MADD: variants seen among roughly 807,000 people sequenced by gnomAD.
MADD encodes MAP kinase activating death domain.
A neutral mutation model predicts 176.7 loss-of-function variants in MADD; 109 were observed. The ratio of observed to expected loss-of-function variants is 0.62; its 90% CI spans 0.53 to 0.72. The LOEUF (loss-of-function observed/expected upper bound fraction) is 0.72, where lower values mean the gene tolerates loss of function less well. MADD is among the 30% of genes least tolerant of loss of function. The probability of loss-of-function intolerance (pLI) is 0.00; values close to 1 mark genes in which losing one functional copy is unlikely to be tolerated. For synonymous variants in MADD, 771 were observed against 771.3 expected (o/e 1.00, Z 0.01); for missense variants, 1,914 against 2,045.5 (o/e 0.94, Z 1.24).
chr11:47,299,106 C>G (rs1318245689), intron 22 of MADD, among the ~76,000 whole-genome samples: 1 of 152,078 alleles, frequency 6.6e-6, no homozygotes, highest in African/African-American at 2.4e-5. Flanking sequence ...ATTTTGAAGT[C>G]TAGTAGTGTG....
intron 22 of MADD, among the ~76,000 whole-genome samples, chr11:47,304,046 C>T (rs1361981416): frequency 6.6e-6 from 1 of 152,104 alleles, no homozygotes; most frequent in African/African-American, 2.4e-5. Flanking sequence ...CCCCTTCTCT[C>T]TTTGGAAATC....
upstream of MADD, chr11:47,270,089 C>CCGGCCT (rs1565225115): frequency 6.6e-6 from 1 of 152,060 alleles, no homozygotes; most frequent in African/African-American, 2.4e-5. Flanking sequence ...GGCCCCGGCC[C>CCGGCCT]CGGCCTCCCC....
intron 25 of MADD, 41 bp downstream of exon 28, chr11:47,309,653 A>G (rs1010739892): frequency 4.7e-6 from 7 of 1,488,604 alleles, no homozygotes; most frequent in African/African-American, 1.4e-5. Context: ...CTGATCCTAG[A>G]GGGGCAAGGC....
chr11:47,329,699 G>A (rs11570126), exon 33 of MADD: 2,517 of 157,350 alleles, frequency 0.016, 81 homozygotes, highest in African/African-American at 0.057. Flanking sequence ...CCCAGGGCCC[G>A]CAGTGTTGGC....
intron 25 of MADD, among the ~76,000 whole-genome samples, chr11:47,310,745 A>G (rs1014275676): frequency 1.3e-5 from 2 of 151,854 alleles, no homozygotes; most frequent in Non-Finnish European, 2.9e-5. Flanking sequence ...TGTCTCTACT[A>G]AAAATACAAA....
chr11:47,278,926 T>C, intron 6 of MADD, 73 bp from the exon 7 acceptor site: 3 of 1,293,026 alleles, frequency 2.3e-6, no homozygotes, highest in Non-Finnish European at 2.2e-6. Flanking sequence ...CGTCCTCTTA[T>C]TTTTATTTAT....
chr11:47,308,648 C>G (rs760336440), exon 23 of MADD: 2 of 1,614,050 alleles, frequency 1.2e-6, no homozygotes, highest in Admixed American at 1.7e-5. Context: ...CAGCCCCATT[C>G]GTACTTCTGA....
At chr11:47,323,684 G>C in exon 28 of MADD, 1 of 1,613,492 alleles carries the variant, frequency 6.2e-7, no homozygotes, top group Non-Finnish European at 8.5e-7. Context: ...TGCGATGACT[G>C]TGTGGTGTTG....
chr11:47,289,461 T>A (rs1442227016), exon 16 of MADD: 2 of 1,614,100 alleles, frequency 1.2e-6, no homozygotes, highest in Non-Finnish European at 1.7e-6. Flanking sequence ...AAAGAGAACC[T>A]CCATCACCCC....
intron 22 of MADD, among the ~76,000 whole-genome samples, chr11:47,299,364 G>A (rs1489506330): frequency 1.3e-5 from 2 of 151,510 alleles, no homozygotes; most frequent in Non-Finnish European, 2.9e-5. Flanking sequence ...TTTCCTCATG[G>A]AGATCTTTTA....
intron 25 of MADD, among the ~76,000 whole-genome samples, chr11:47,310,568 G>A (rs2087722248): frequency 6.6e-6 from 1 of 151,822 alleles, no homozygotes; most frequent in Non-Finnish European, 1.5e-5. Context: ...AAAATACAAT[G>A]AATTAATTTT....
intron 6 of MADD, 99 bp from the exon 7 acceptor site, chr11:47,278,900 A>T: frequency 4.4e-6 from 4 of 914,036 alleles, no homozygotes; most frequent in Admixed American, 2.2e-5. Context: ...TCGTTTATAT[A>T]ATAATAATGT....
chr11:47,308,545 A>T, intron 22 of MADD, 46 bp from the exon 25 acceptor site: 1 of 1,452,960 alleles, frequency 6.9e-7, no homozygotes, highest in Non-Finnish European at 9.6e-7. Context: ...CTTTGTCTCT[A>T]TTCATTGCTA....
intron 27 of MADD, among the ~76,000 whole-genome samples, chr11:47,316,472 T>G (rs759810624): frequency 1.4e-5 from 2 of 140,788 alleles, no homozygotes; most frequent in Non-Finnish European, 3.0e-5. Context: ...CACTGCAACC[T>G]CCACCTCCTG....
At chr11:47,308,733 G>T (rs771632272) in intron 23 of MADD, 34 bp downstream of exon 25, 2 of 1,565,258 alleles carry the variant, frequency 1.3e-6, no homozygotes, top group South Asian at 2.2e-5. Context: ...CTTTGCACTG[G>T]AGAAAGCTGA....
At chr11:47,296,047 A>C (rs764865955) in exon 22 of MADD, 2 of 1,613,076 alleles carry the variant, frequency 1.2e-6, no homozygotes, top group African/African-American at 2.7e-5. Context: ...TGCCACAAGC[A>C]CCATCTTTGT....
intron 19 of MADD, among the ~76,000 whole-genome samples, chr11:47,292,959 C>T (rs192061645): frequency 6.6e-6 from 1 of 152,266 alleles, no homozygotes; most frequent in East Asian, 1.9e-4. Context: ...GTTGCTGTCC[C>T]TCCATGTTGA....
chr11:47,295,908 C>T (rs2071216022), exon 22 of MADD: 1 of 1,613,892 alleles, frequency 6.2e-7, no homozygotes, highest in Non-Finnish European at 8.5e-7. Flanking sequence ...TGAGTAATAG[C>T]TCTGGAGAGA....
exon 4 of MADD, chr11:47,275,961 T>G: frequency 6.2e-7 from 1 of 1,614,174 alleles, no homozygotes. Context: ...AGTGCCCTTC[T>G]GCATGACCTT....
Sources: allele counts gnomAD v4.1 joint callset (sites outside exome capture counted in the v4.1 genomes callset), GRCh38; gene constraint gnomAD v4.1.1; transcripts MANE v1.5; gene names NCBI Gene and HGNC (gene_info 2026-07-23, HGNC 2026-07-21).